The following ZFYVE21 variants were observed in gnomAD, a reference collection of about 807,000 sequenced individuals.
ZFYVE21 encodes the protein zinc finger FYVE domain-containing protein 21.
ZFYVE21 carries 21 observed loss-of-function variants against 29.5 expected under a neutral mutation model. That is an observed-to-expected ratio of 0.71 (90% CI 0.50 to 1.02). ZFYVE21 has a LOEUF of 1.02. Among genes scored for constraint, ZFYVE21 ranks in the 50% least tolerant of loss-of-function variants. ZFYVE21 has a pLI of 0.00. For synonymous variants in ZFYVE21, 151 were observed against 133.8 expected (o/e 1.13, Z -0.89); for missense variants, 326 against 335.4 (o/e 0.97, Z 0.22).
At position 103,716,068 on chromosome 14, in the gene ZFYVE21, C is replaced by T; in HGVS notation, c.138+89C>T. ...GGCTTCCAGGCTCCCGCGACGACCC[C>T]TCCGCCTCCGGGCGGCCCCTTCCCC... On this transcript the variant is annotated intron_variant, in intron 1 of 6. Coordinates refer to ENST00000311141, the MANE Select transcript of ZFYVE21 (RefSeq NM_024071.4). The surrounding 1 kb of genome is among the most constrained non-coding windows in gnomAD (Gnocchi z 4.8). 1.8e-6 allele frequency: 2 copies of T among 1,133,242 alleles called. No individual in the cohort carries two copies. The highest frequency in any genetic ancestry group is 2.2e-6 in the Non-Finnish European group (2 of 919,670). The allele number at this position is 1,133,242 out of a possible 1,614,324, so 70.2% of individuals were successfully genotyped here. A position where few individuals can be genotyped will look rare whatever the true frequency, so the allele number is the denominator to read the frequency against.
chr14:103,726,948 GT>G (rs572377392), intron 2 of ZFYVE21, 106 bp downstream of exon 2: 23,314 of 646,970 alleles, frequency 0.036, no homozygotes, highest in South Asian at 0.045. Flanking sequence ...CTTATGGCTC[GT>G]TTTTTTTTTT....
Position 103,733,045 on chromosome 14 carries a change from C to CA in ZFYVE21, c.*27_*28insA. Reference sequence around the variant, plus strand: ...TCTACGTGGGGCTGAGCTTGGAGTACGTGTGGTCACCAGGACTGAGTCGCT... The same window carrying CA: ...TCTACGTGGGGCTGAGCTTGGAGTACAGTGTGGTCACCAGGACTGAGTCGCT... On this transcript the variant is annotated 3_prime_UTR_variant, in exon 7 of 7. Transcript: ENST00000311141. 1 of 1,614,060 alleles carries CA rather than the reference C, an allele frequency of 6.2e-7. No homozygotes were observed. The highest frequency in any genetic ancestry group is 2.2e-5 in the East Asian group (1 of 44,880).
At chr14:103,730,177 A>C in intron 5 of ZFYVE21, 2 of 331,470 alleles carry the variant, frequency 6.0e-6, no homozygotes, top group Non-Finnish European at 1.1e-5. Flanking sequence ...CTCTGCCAAC[A>C]CTGCCCTTCC....
At chr14:103,722,345 CTG>C (rs2083880132) in intron 1 of ZFYVE21, among the ~76,000 whole-genome samples, 1 of 140,458 alleles carries the variant, frequency 7.1e-6, no homozygotes, top group South Asian at 2.2e-4. Context: ...TAGGTGTGGT[CTG>C]TCTCTTTTTT....
At chr14:103,722,369 T>TTC (rs1482349205) in intron 1 of ZFYVE21, among the ~76,000 whole-genome samples, 50 of 148,874 alleles carry the variant, frequency 3.4e-4, no homozygotes, top group African/African-American at 1.1e-3. Flanking sequence ...TTTTTTTTTT[T>TTC]TTTGAGACAG....
intron 3 of ZFYVE21, 22 bp from the exon 4 acceptor site, chr14:103,728,886 C>G: frequency 6.2e-7 from 1 of 1,613,406 alleles, no homozygotes; most frequent in Non-Finnish European, 8.5e-7. Context: ...CCTGTTCTCA[C>G]GTTTGCTTTT....
intron 2 of ZFYVE21, chr14:103,727,362 C>G (rs1435958092): frequency 2.8e-6 from 1 of 356,868 alleles, no homozygotes; most frequent in Non-Finnish European, 5.5e-6. Context: ...ACCCACCTGC[C>G]CCCCGCCCCC....
At chr14:103,725,844 G>A (rs989472735) in intron 1 of ZFYVE21, 14 of 152,272 alleles carry the variant, frequency 9.2e-5, no homozygotes, top group African/African-American at 3.4e-4. Flanking sequence ...GAGGTGCCGG[G>A]ACAGTACCAC....
rs769726141 is a variant in ZFYVE21, at chr14:103,728,993, G to A, written c.434+10G>A. ...TTTCCAATAACCAGAGGTAAGAGCC[G>A]GATCCTGCTTGGCACGGGGCAGCAT... On this transcript the variant is annotated intron_variant, in intron 4 of 6. Coordinates refer to ENST00000311141, the MANE Select transcript of ZFYVE21 (RefSeq NM_024071.4). 11 of 1,613,920 alleles carry A rather than the reference G, an allele frequency of 6.8e-6. No individual in the cohort carries two copies. The highest frequency in any genetic ancestry group is 8.5e-6 in the Non-Finnish European group (10 of 1,179,974).
Position 103,716,661 on chromosome 14 carries a change from C to T in ZFYVE21, c.138+682C>T, listed in dbSNP as rs861528. Among the ~76,000 whole-genome samples, 26,729 of 152,214 alleles carry T rather than the reference C, an allele frequency of 0.18. 2,760 individuals are homozygous for T. The highest frequency in any genetic ancestry group is 0.25 in the Non-Finnish European group (16,678 of 67,970). ...AGACCGCAGATTTGCACCCGTTTCC[C>T]ATGGGCCCAGACACGGCAGGAGTTG... On this transcript the variant is annotated intron_variant, in intron 1 of 6. Coordinates refer to ENST00000311141, the MANE Select transcript of ZFYVE21 (RefSeq NM_024071.4). The surrounding 1 kb of genome is among the most constrained non-coding windows in gnomAD (Gnocchi z 4.8).
At position 103,716,042 on chromosome 14, in the gene ZFYVE21, G is replaced by A; in HGVS notation, c.138+63G>A. 1 of 1,172,400 alleles carries A rather than the reference G, an allele frequency of 8.5e-7. No individual in the cohort carries two copies. The highest frequency in any genetic ancestry group is 1.1e-6 in the Non-Finnish European group (1 of 948,228). 72.6% of individuals were successfully genotyped at this position (1,172,400 alleles called of 1,614,324 possible). ...CCCCGCCGCCCCGGCCCGGCCCCGC[G>A]GGCTTCCAGGCTCCCGCGACGACCC... On this transcript the variant is annotated intron_variant, in intron 1 of 6. Coordinates refer to ENST00000311141, the MANE Select transcript of ZFYVE21 (RefSeq NM_024071.4). This position sits in a 1 kb window ranked among gnomAD's most constrained non-coding sequence, Gnocchi z 4.8.
Position 103,726,779 on chromosome 14 carries a change from G to A in ZFYVE21, c.139-13G>A, listed in dbSNP as rs770144586. The A allele has an allele frequency of 1.1e-5, 17 of 1,613,728 alleles. No homozygotes were observed. In the East Asian group the frequency reaches 1.8e-4, roughly 17 times the overall value. ...CCAAGCTGCGTTTTAACGCTTTGTC[G>A]TGTCTTTCCTAGTGTCGGAGATGTA... On this transcript the variant is annotated splice_polypyrimidine_tract_variant and intron_variant, in intron 1 of 6. Coordinates refer to ENST00000311141, the MANE Select transcript of ZFYVE21 (RefSeq NM_024071.4).
At chr14:103,726,746 G>A in intron 1 of ZFYVE21, 46 bp from the exon 2 acceptor site, 1 of 1,612,086 alleles carries the variant, frequency 6.2e-7, no homozygotes, top group Non-Finnish European at 8.5e-7. Flanking sequence ...CAGCGACGTG[G>A]TGAGTGACCA....
intron 1 of ZFYVE21, chr14:103,724,444 C>T (rs2083901204): frequency 6.6e-6 from 1 of 152,262 alleles, no homozygotes. Flanking sequence ...CGTCTGAGCT[C>T]TTGTGTGGCT....
intron 5 of ZFYVE21, chr14:103,729,641 C>A: frequency 2.0e-6 from 2 of 983,292 alleles, no homozygotes; most frequent in East Asian, 2.6e-5. Flanking sequence ...TGGGCCTCTC[C>A]ACTAAACTCT....
chr14:103,729,080 A>G lies in ZFYVE21; in HGVS notation c.435-11A>G, dbSNP rs1303389891. The G allele has an allele frequency of 1.2e-6, 2 of 1,613,916 alleles. No homozygotes were observed. The highest frequency in any genetic ancestry group is 1.7e-6 in the Non-Finnish European group (2 of 1,179,994). ...AGAATGACCCGATTTGGACACTTTT[A>G]TTTGATGTAGATACTTGTTTCTGGA... On this transcript the variant is annotated splice_polypyrimidine_tract_variant and intron_variant, in intron 4 of 6. Coordinates refer to ENST00000311141, the MANE Select transcript of ZFYVE21 (RefSeq NM_024071.4).
At chr14:103,720,343 G>A (rs981089872) in intron 1 of ZFYVE21, among the ~76,000 whole-genome samples, 2 of 152,186 alleles carry the variant, frequency 1.3e-5, no homozygotes, top group Non-Finnish European at 2.9e-5. Context: ...TTCAATAAAG[G>A]TGCATTGATA....
At chr14:103,730,598 T>TG (rs1361571334) in intron 5 of ZFYVE21, 2 of 152,602 alleles carry the variant, frequency 1.3e-5, no homozygotes, top group South Asian at 2.1e-4. Flanking sequence ...TGTGGTGGCT[T>TG]GGGGGGTGCA....
chr14:103,717,827 T>C (rs1182424885), intron 1 of ZFYVE21, among the ~76,000 whole-genome samples: 1 of 152,260 alleles, frequency 6.6e-6, no homozygotes, highest in African/African-American at 2.4e-5. Flanking sequence ...AGATGGACTT[T>C]GTCTCTGAGT....
Sources: gnomAD v4.1 joint callset for allele counts (sites outside exome capture counted in the v4.1 genomes callset) on GRCh38, gnomAD v4.1.1 for gene constraint, Gnocchi (gnomAD v3.1) non-coding constraint, MANE v1.5 for transcripts, NCBI Gene and HGNC (gene_info 2026-07-23, HGNC 2026-07-21) for gene names.